The following KIF3C variants were observed in gnomAD, a reference collection of about 807,000 sequenced individuals.
The protein encoded by KIF3C is kinesin family member 3C.
A neutral mutation model predicts 67.7 loss-of-function variants in KIF3C; 12 were observed. The ratio of observed to expected loss-of-function variants is 0.18; its 90% CI spans 0.11 to 0.29. The LOEUF (loss-of-function observed/expected upper bound fraction) is 0.29, where lower values mean the gene tolerates loss of function less well. Ranked by LOEUF, KIF3C falls within the 10% of genes least tolerant of loss-of-function variation. KIF3C has a pLI of 1.00. For missense variants in KIF3C, 789 were observed against 1,059.6 expected (o/e 0.74, Z 3.55); for synonymous variants, 393 against 426.2 (o/e 0.92, Z 0.96).
At position 25,951,901 on chromosome 2, in the gene KIF3C, G is replaced by C; in HGVS notation, c.1894C>G (p.Leu632Val). Residue 632 changes from leucine (L) to valine (V), a missense_variant, in exon 5 of 8, where the codon CTA (leucine) becomes GTA (valine). This residue lies in a region of KIF3C where 648 missense variants were observed against 807.8 expected (regional missense o/e 0.80). Transcript: ENST00000264712. ...GGCGGGATGAAGTTCTCGATGATTA[G>C]GTACCTGGGAGCAGGAATGAAGGAG... Reference protein sequence around the residue: ...EQTRELKLKYLIIENFIPPEE... With the variant: ...EQTRELKLKYVIIENFIPPEE... 1 of 1,608,774 alleles carries C rather than the reference G, an allele frequency of 6.2e-7. No homozygotes were observed. Among genetic ancestry groups the C allele is most frequent in the Non-Finnish European group, 8.5e-7 (1 of 1,175,276 alleles).
intron 5 of KIF3C, among the ~76,000 whole-genome samples, chr2:25,940,441 T>C (rs1019188163): frequency 1.3e-5 from 2 of 151,442 alleles, no homozygotes; most frequent in Non-Finnish European, 2.9e-5. Flanking sequence ...TGTGGTGGCG[T>C]ATGCCTGTAA....
intron 1 of KIF3C, among the ~76,000 whole-genome samples, chr2:25,971,871 CTTTT>C (rs70950146): frequency 7.4e-5 from 4 of 53,802 alleles, no homozygotes; most frequent in East Asian, 3.4e-4. Flanking sequence ...CCATGCCTAG[CTTTT>C]TTTTTTTTTT....
intron 1 of KIF3C, among the ~76,000 whole-genome samples, chr2:25,971,135 G>C (rs895244286): frequency 1.3e-3 from 195 of 152,146 alleles, no homozygotes; most frequent in African/African-American, 4.6e-3. Context: ...GGCCTGGCGT[G>C]GTGGCGGGTG....
At chr2:25,961,879 C>T (rs1663952724) in intron 1 of KIF3C, among the ~76,000 whole-genome samples, 1 of 144,092 alleles carries the variant, frequency 6.9e-6, no homozygotes, top group African/African-American at 2.6e-5. Flanking sequence ...GAACCCGAGG[C>T]GGAGGTTGCA....
At chr2:25,963,144 A>G (rs1301085557) in intron 1 of KIF3C, among the ~76,000 whole-genome samples, 4 of 96,640 alleles carry the variant, frequency 4.1e-5, no homozygotes, top group African/African-American at 1.3e-4. Flanking sequence ...ATATATGCAT[A>G]TATGTGTGTG....
chr2:25,959,838 G>T (rs1663901524), intron 1 of KIF3C, among the ~76,000 whole-genome samples: 1 of 152,066 alleles, frequency 6.6e-6, no homozygotes, highest in African/African-American at 2.4e-5. Flanking sequence ...GGAGGGGTGG[G>T]GTGGGTGTGA....
At chr2:25,962,923 T>C (rs1664010453) in intron 1 of KIF3C, among the ~76,000 whole-genome samples, 2 of 49,494 alleles carry the variant, frequency 4.0e-5, no homozygotes, top group South Asian at 5.0e-4. Context: ...ATATATATAA[T>C]ATATAATACA....
At chr2:25,959,101 C>A (rs544975564) in intron 1 of KIF3C, among the ~76,000 whole-genome samples, 11 of 152,138 alleles carry the variant, frequency 7.2e-5, no homozygotes, top group African/African-American at 2.6e-4. Context: ...AATTCCAGCT[C>A]CCTCAATGGG....
Position 25,928,696 on chromosome 2 carries a change from A to G in KIF3C, c.*282T>C. On this transcript the variant is annotated 3_prime_UTR_variant, in exon 8 of 8. Transcript: ENST00000264712. ...TGAGATCTGACTGGGGGAGCTCTCA[A>G]GTCAGAAGAAAAAGAGGCTACGCAG... 3.6e-6 allele frequency: 1 copy of G among 281,294 alleles called. No homozygotes were observed. Among genetic ancestry groups the G allele is most frequent in the Non-Finnish European group, 6.7e-6 (1 of 148,154 alleles). The allele number at this position is 281,294 out of a possible 1,614,324, so 17.4% of individuals were successfully genotyped here. A position where few individuals can be genotyped will look rare whatever the true frequency, so the allele number is the denominator to read the frequency against.
intron 1 of KIF3C, among the ~76,000 whole-genome samples, chr2:25,977,849 G>A (rs1378063335): frequency 1.3e-5 from 2 of 152,136 alleles, no homozygotes; most frequent in African/African-American, 4.8e-5. Context: ...TTGGGGCTAT[G>A]GGGAACTTGG....
At chr2:25,949,420 C>CAATA (rs1663538520) in intron 5 of KIF3C, among the ~76,000 whole-genome samples, 2 of 148,296 alleles carry the variant, frequency 1.3e-5, no homozygotes, top group African/African-American at 5.0e-5. Context: ...CAAAAAATAC[C>CAATA]AAAAAAAAAG....
chr2:25,946,119 T>TAAATA (rs1182218701), intron 5 of KIF3C, among the ~76,000 whole-genome samples: 3 of 151,788 alleles, frequency 2.0e-5, no homozygotes, highest in Non-Finnish European at 2.9e-5. Flanking sequence ...TATCAAAAAA[T>TAAATA]AAATAAAATA....
chr2:25,958,960 G>A lies in KIF3C; in HGVS notation c.1546-2516C>T, dbSNP rs1663877967. Among the ~76,000 whole-genome samples the A allele has an allele frequency of 6.6e-6, 1 of 152,134 alleles. No individual in the cohort carries two copies. Among genetic ancestry groups the A allele is most frequent in the African/African-American group, 2.4e-5 (1 of 41,420 alleles). ...ATAATGGCACATGCCTGTAATCCCA[G>A]CTACTCAGGAGGCTGAGGCAGGAGA... is the stretch of plus-strand genomic sequence containing the variant. On this transcript the variant is annotated intron_variant, in intron 1 of 7. Coordinates refer to ENST00000264712, the MANE Select transcript of KIF3C (RefSeq NM_002254.8). The surrounding 1 kb of genome is among the most constrained non-coding windows in gnomAD (Gnocchi z 4.5).
intron 5 of KIF3C, among the ~76,000 whole-genome samples, chr2:25,942,741 T>C (rs1158726263): frequency 6.6e-6 from 1 of 152,224 alleles, no homozygotes; most frequent in Non-Finnish European, 1.5e-5. Flanking sequence ...TTTAATATTA[T>C]ACAAGATTAT....
chr2:25,962,969 T>TAC (rs1359633612), intron 1 of KIF3C, among the ~76,000 whole-genome samples: 3 of 45,906 alleles, frequency 6.5e-5, no homozygotes, highest in South Asian at 4.8e-4. Flanking sequence ...ATATATATAA[T>TAC]ATATAATATA....
At chr2:25,967,544 C>T (rs1664174833) in intron 1 of KIF3C, among the ~76,000 whole-genome samples, 1 of 152,238 alleles carries the variant, frequency 6.6e-6, no homozygotes. Context: ...CAGAGGCTCA[C>T]GCCTGTAATC....
intron 5 of KIF3C, among the ~76,000 whole-genome samples, chr2:25,931,176 G>A (rs2090455994): frequency 6.6e-6 from 1 of 152,108 alleles, no homozygotes; most frequent in South Asian, 2.1e-4. Context: ...CGTATCCCCT[G>A]CCAGGTGCAG....
Position 25,982,078 on chromosome 2 carries a change from A to C in KIF3C, c.-161T>G. 1.7e-6 allele frequency: 1 copy of C among 581,186 alleles called. No homozygotes were observed. Among genetic ancestry groups the C allele is most frequent in the Non-Finnish European group, 3.0e-6 (1 of 336,016 alleles). The allele number at this position is 581,186 out of a possible 1,614,324, so 36.0% of individuals were successfully genotyped here. The stretch of plus-strand genomic sequence containing the variant: ...GGTGGGGACGCTGGGAGGTGGCCCC[A>C]ACGCTGCTGCAGTCCGGGCCTCCAC... On this transcript the variant is annotated 5_prime_UTR_variant, in exon 1 of 8. Transcript: ENST00000264712.
intron 5 of KIF3C, among the ~76,000 whole-genome samples, chr2:25,931,702 A>C (rs2090460071): frequency 6.6e-6 from 1 of 151,416 alleles, no homozygotes; most frequent in Non-Finnish European, 1.5e-5. Flanking sequence ...CAGTGGTGCG[A>C]TCTCAGTTCA....
Sources: gnomAD v4.1 joint callset for allele counts (sites outside exome capture counted in the v4.1 genomes callset) on GRCh38, gnomAD v4.1.1 for gene constraint, gnomAD v4.1.1 regional missense constraint, Gnocchi (gnomAD v3.1) non-coding constraint, MANE v1.5 for transcripts, NCBI Gene and HGNC (gene_info 2026-07-23, HGNC 2026-07-21) for gene names.